The following STIL variants were observed in gnomAD, a reference collection of about 807,000 sequenced individuals.
STIL encodes the protein STIL centriolar assembly protein, also known as SCL-interrupting locus protein.
STIL carries 55 observed loss-of-function variants against 110.1 expected under a neutral mutation model. The observed-to-expected ratio is 0.50, with a 90% CI of 0.40 to 0.63. STIL has a LOEUF of 0.63. Among genes scored for constraint, STIL ranks in the 20% least tolerant of loss-of-function variants. The pLI is 0.00. For missense variants in STIL, 1,358 were observed against 1,530.0 expected, an observed-to-expected ratio of 0.89 and a Z score of 1.87; for synonymous variants, 481 against 530.0, an observed-to-expected ratio of 0.91 and a Z score of 1.27.
At chr1:47,299,830 T>G (rs1208311961) in intron 6 of STIL, 75 bp downstream of exon 6, 9 of 1,478,658 alleles carry the variant, frequency 6.1e-6, no homozygotes, top group Non-Finnish European at 8.4e-6. Context: ...GACTGGACAA[T>G]TCTTTCACAT....
intron 7 of STIL, among the ~76,000 whole-genome samples, chr1:47,295,511 T>A (rs1372034010): frequency 6.6e-6 from 1 of 151,988 alleles, no homozygotes; most frequent in Non-Finnish European, 1.5e-5. Flanking sequence ...ACCTGGGGGA[T>A]GGAGATTGCA....
chr1:47,262,932 C>G lies in STIL; in HGVS notation c.2800G>C (p.Asp934His), dbSNP rs2148755738. 6.2e-7 allele frequency: 1 copy of G among 1,614,104 alleles called. No homozygotes were observed. Among genetic ancestry groups the G allele is most frequent in the East Asian group, 2.2e-5 (1 of 44,874 alleles). ...AAATCCTGGTAAATTTTCTGGTTAT[C>G]TGATGGTTGATGAAGCAAGGGTTGC... ...VMQPLLHQPS[D>H]NQKIYQDLLG... The change falls in exon 15 of 17, where the codon GAT becomes CAT. Residue 934 changes from aspartate to histidine, a missense_variant. By Grantham distance (81) the Asp-to-His change is moderately conservative. Transcript: ENST00000371877.
At chr1:47,307,054 G>A (rs1220757642) in intron 2 of STIL, among the ~76,000 whole-genome samples, 1 of 152,192 alleles carries the variant, frequency 6.6e-6, no homozygotes, top group Non-Finnish European at 1.5e-5. Flanking sequence ...CAGAGGCTGA[G>A]GCACGAGAAT....
Position 47,280,401 on chromosome 1 carries a change from G to A in STIL, c.2057C>T (p.Ala686Val), listed in dbSNP as rs1645122493. ...TAAGTCCATATGTGAAGGCGGTCTT[G>A]CCACAGGCGATGGTTCAATATTGCT... ...PHSNIEPSPV[A>V]RPPSHMDLCN... The change falls in exon 12 of 17, where the codon GCA becomes GTA. Residue 686 changes from alanine to valine, a missense_variant. Ala to Val is a moderately conservative substitution (Grantham distance 64). Transcript: ENST00000371877. 6.2e-7 allele frequency: 1 copy of A among 1,614,220 alleles called. No homozygotes were observed. The highest frequency in any genetic ancestry group is 8.5e-7 in the Non-Finnish European group (1 of 1,180,042).
chr1:47,308,097 C>A (rs1171718443), intron 2 of STIL, among the ~76,000 whole-genome samples: 1 of 152,206 alleles, frequency 6.6e-6, no homozygotes, highest in Non-Finnish European at 1.5e-5. Flanking sequence ...TGTGATCTCG[C>A]CCTGCCTCCA....
In STIL at chr1:47,280,931, A is replaced by G. The variant is rs1282581715; in HGVS notation, c.1527T>C (p.Pro509=). 1.2e-6 allele frequency: 2 copies of G among 1,614,166 alleles called. No individual in the cohort carries two copies. The highest frequency in any genetic ancestry group is 1.7e-6 in the Non-Finnish European group (2 of 1,180,024). Residue 509 remains proline (P), a synonymous_variant, in exon 12 of 17, where the codon CCT becomes CCC. Transcript: ENST00000371877. ...TATGGGGGTTCCCTTTCTTATAGGC[A>G]GGTGGCTGTCTTACTTTGCAGTGTC... The part of the protein sequence containing the change: ...LLRHCKVRQP[P]AYKKGNPHTR...
chr1:47,312,667 C>A (rs1428603928), intron 1 of STIL, among the ~76,000 whole-genome samples: 2 of 152,086 alleles, frequency 1.3e-5, no homozygotes, highest in Non-Finnish European at 2.9e-5. Context: ...TTAAAATGCG[C>A]TATTTGTGTT....
At chr1:47,275,438 C>T (rs1644963846) in intron 12 of STIL, among the ~76,000 whole-genome samples, 1 of 151,790 alleles carries the variant, frequency 6.6e-6, no homozygotes, top group Non-Finnish European at 1.5e-5. Context: ...AAAACCCCGT[C>T]TCTACTAAAA....
In STIL at chr1:47,267,259, G is replaced by A. The variant is rs768901142; in HGVS notation, c.2615+2376C>T. The stretch of plus-strand genomic sequence containing the variant: ...TTTTTCAGAGCAGTTGTCACTATCT[G>A]AAACTATGTTATTTGCTGCTCATGT... On this transcript the variant is annotated intron_variant, in intron 14 of 16. Coordinates refer to ENST00000371877, the MANE Select transcript of STIL (RefSeq NM_001048166.1). Among the ~76,000 whole-genome samples, 90 of 152,236 alleles carry A rather than the reference G, an allele frequency of 5.9e-4. 1 individual carries two copies. Among genetic ancestry groups the A allele is most frequent in the Non-Finnish European group, 1.8e-4 (12 of 68,018 alleles).
chr1:47,286,092 C>T (rs1435617118), intron 10 of STIL, among the ~76,000 whole-genome samples: 1 of 151,634 alleles, frequency 6.6e-6, no homozygotes, highest in Non-Finnish European at 1.5e-5. Context: ...CCAGGCTGGT[C>T]TCAAACTCCT....
chr1:47,271,227 TA>T (rs1288435048), intron 13 of STIL, among the ~76,000 whole-genome samples: 1 of 152,160 alleles, frequency 6.6e-6, no homozygotes, highest in Admixed American at 6.5e-5. Context: ...AGGCATTCTA[TA>T]ATTTGGGGAA....
rs147478467 is a variant in STIL at position 47,251,727 on chromosome 1, G to A, written c.3276C>T (p.Asp1092=). ...SVTRSNQNNC[D]PFSLLHINTD... is the part of the protein sequence containing the mutation. ...TATTAATATGGAGAAGGCTGAATGG[G>A]TCACAATTATTTTGGTTCGATCGAG... Residue 1092 remains aspartate (D), a synonymous_variant, in exon 17 of 17, where the codon GAC becomes GAT. Transcript: ENST00000371877. 573 of 1,614,116 alleles carry A rather than the reference G, an allele frequency of 3.5e-4. 1 individual carries two copies. The Middle Eastern group carries it at 4.3e-3, about 12-fold the overall frequency.
intron 12 of STIL, among the ~76,000 whole-genome samples, chr1:47,276,568 G>A (rs1303576028): frequency 2.6e-5 from 4 of 151,774 alleles, no homozygotes; most frequent in Admixed American, 6.6e-5. Flanking sequence ...AGCACTCTGG[G>A]AGGCCGAGGC....
chr1:47,268,013 A>G (rs1243022914), intron 14 of STIL, among the ~76,000 whole-genome samples: 2 of 152,220 alleles, frequency 1.3e-5, no homozygotes, highest in Non-Finnish European at 2.9e-5. Context: ...AGCCAATCTT[A>G]TTTCATTTAT....
At chr1:47,310,934 G>A (rs906633144) in intron 1 of STIL, among the ~76,000 whole-genome samples, 3 of 151,828 alleles carry the variant, frequency 2.0e-5, no homozygotes, top group Admixed American at 1.3e-4. Flanking sequence ...CTGCACCTCC[G>A]CCTCCTGGGT....
intron 12 of STIL, among the ~76,000 whole-genome samples, chr1:47,275,994 G>T (rs1015736548): frequency 1.6e-5 from 2 of 122,948 alleles, no homozygotes; most frequent in African/African-American, 6.0e-5. Flanking sequence ...GAAAGAGAAT[G>T]ACTCATACTT....
intron 12 of STIL, among the ~76,000 whole-genome samples, chr1:47,279,670 A>C (rs375061902): frequency 6.9e-6 from 1 of 144,914 alleles, no homozygotes; most frequent in African/African-American, 2.6e-5. Context: ...CGGAGGTTGC[A>C]GTGAGCCAAG....
intron 16 of STIL, among the ~76,000 whole-genome samples, chr1:47,256,659 T>C (rs1451052212): frequency 6.9e-6 from 1 of 145,918 alleles, no homozygotes; most frequent in Admixed American, 7.0e-5. Flanking sequence ...AAATGTGTCA[T>C]AAGTACATGC....
rs949875842 is a variant in STIL, at chr1:47,271,808, C to CA, written c.2383+267dup. 8.0e-4 allele frequency among the ~76,000 whole-genome samples: 100 copies of CA among 124,232 alleles called. No individual in the cohort carries two copies. In the Middle Eastern group the frequency reaches 0.012, roughly 15 times the overall value. The allele number at this position is 124,232 out of a possible 152,430, so 81.5% of individuals were successfully genotyped here. Reference sequence around the variant, plus strand: ...TGGGCAACACAGCGAGACTCCATTTCAAAAAAAAAAACAAAAAACAAAAAA... The same window carrying CA: ...TGGGCAACACAGCGAGACTCCATTTCAAAAAAAAAAAACAAAAAACAAAAAA... On this transcript the variant is annotated intron_variant, in intron 13 of 16. Coordinates refer to ENST00000371877, the MANE Select transcript of STIL (RefSeq NM_001048166.1).
Sources: allele counts gnomAD v4.1 joint callset (sites outside exome capture counted in the v4.1 genomes callset), GRCh38; gene constraint gnomAD v4.1.1; transcripts MANE v1.5; gene names NCBI Gene and HGNC (gene_info 2026-07-23, HGNC 2026-07-21).